CCDC122: variants seen among roughly 807,000 people sequenced by gnomAD.
The protein encoded by CCDC122 is coiled-coil domain-containing protein 122.
In CCDC122, 38 loss-of-function variants were observed where a neutral mutation model predicts 37.0. The observed-to-expected ratio is 1.03, with a 90% CI of 0.79 to 1.35. The LOEUF (loss-of-function observed/expected upper bound fraction) is 1.35. CCDC122 is among the 40% of genes most tolerant of loss of function. CCDC122 has a pLI of 0.00. For missense variants in CCDC122, 305 were observed against 310.0 expected (o/e 0.98, Z 0.12); for synonymous variants, 83 against 95.6 (o/e 0.87, Z 0.77).
chr13:43,849,784 C>T (rs1953663656), intron 6 of CCDC122, among the ~76,000 whole-genome samples: 1 of 152,186 alleles, frequency 6.6e-6, no homozygotes, highest in African/African-American at 2.4e-5. Context: ...CATTGCAAGG[C>T]TGTAATGAAG....
chr13:43,822,693 G>C (rs895583813), downstream of CCDC122, among the ~76,000 whole-genome samples: 1 of 152,170 alleles, frequency 6.6e-6, no homozygotes. Flanking sequence ...TTTTCACAGA[G>C]AGAGGAGCCT....
At chr13:43,841,590 T>C (rs188370854) in intron 6 of CCDC122, among the ~76,000 whole-genome samples, 333 of 152,356 alleles carry the variant, frequency 2.2e-3, no homozygotes, top group Non-Finnish European at 3.1e-3. Context: ...AAAAAATGAC[T>C]GTATGACTTT....
At chr13:43,854,032 A>T (rs748182370) in intron 6 of CCDC122, 5 of 152,184 alleles carry the variant, frequency 3.3e-5, no homozygotes, top group Non-Finnish European at 5.9e-5. Context: ...CACATCAAAT[A>T]GTTAGAAAGA....
chr13:43,879,550 C>G (rs1330891336), intron 1 of CCDC122, 81 bp downstream of exon 1: 1 of 152,252 alleles, frequency 6.6e-6, no homozygotes, highest in Non-Finnish European at 1.5e-5. Flanking sequence ...GCTCGCGGCG[C>G]TTGGCTCATC....
chr13:43,844,076 T>G (rs1953440687), intron 6 of CCDC122, among the ~76,000 whole-genome samples: 1 of 151,964 alleles, frequency 6.6e-6, no homozygotes. Flanking sequence ...TTCCTTCTAT[T>G]TACTTTTTGC....
intron 6 of CCDC122, among the ~76,000 whole-genome samples, chr13:43,851,767 G>A (rs1953740716): frequency 6.6e-6 from 1 of 152,154 alleles, no homozygotes; most frequent in Non-Finnish European, 1.5e-5. Flanking sequence ...CAGCACAGTG[G>A]ATTCCTAACC....
At chr13:43,848,933 G>T in intron 6 of CCDC122, 1 of 974,076 alleles carries the variant, frequency 1.0e-6, no homozygotes, top group Non-Finnish European at 1.2e-6. Context: ...TTTGGTATTG[G>T]AATTCACCTT....
intron 4 of CCDC122, among the ~76,000 whole-genome samples, chr13:43,865,219 G>A (rs1479245994): frequency 6.6e-6 from 1 of 152,196 alleles, no homozygotes; most frequent in Non-Finnish European, 1.5e-5. Flanking sequence ...TGCGGGGAAA[G>A]TATGGGAGTA....
chr13:43,819,438 C>T (rs1389694939), downstream of CCDC122, among the ~76,000 whole-genome samples: 1 of 152,002 alleles, frequency 6.6e-6, no homozygotes, highest in Non-Finnish European at 1.5e-5. Flanking sequence ...TACAAACAAC[C>T]CAAATATTCA....
chr13:43,862,718 T>C (rs1284561178), intron 4 of CCDC122, among the ~76,000 whole-genome samples: 2 of 152,080 alleles, frequency 1.3e-5, no homozygotes, highest in African/African-American at 4.8e-5. Context: ...CAACCAATGG[T>C]CAGGAAAGGG....
intron 6 of CCDC122, among the ~76,000 whole-genome samples, chr13:43,842,575 G>A (rs1467863479): frequency 1.3e-5 from 2 of 151,016 alleles, no homozygotes; most frequent in African/African-American, 4.9e-5. Context: ...AATACTTAGT[G>A]GGAATTTTAT....
chr13:43,829,294 T>C, intron 3 of CCDC122, among the ~76,000 whole-genome samples: 1 of 152,058 alleles, frequency 6.6e-6, no homozygotes, highest in Non-Finnish European at 1.5e-5. Flanking sequence ...AAGGGAGAAT[T>C]GCTCATTTTA....
chr13:43,833,855 T>C (rs1251419229), downstream of CCDC122, among the ~76,000 whole-genome samples: 1 of 152,110 alleles, frequency 6.6e-6, no homozygotes, highest in Non-Finnish European at 1.5e-5. Flanking sequence ...AATATTTACC[T>C]CAAAGAGACT....
chr13:43,828,553 GATACAC>G (rs767807092), intron 3 of CCDC122, among the ~76,000 whole-genome samples: 2 of 76,768 alleles, frequency 2.6e-5, no homozygotes, highest in Admixed American at 1.6e-4. Flanking sequence ...TTTATAGACA[GATACAC>G]ACACACACAC....
At chr13:43,834,706 A>G (rs1242861186), downstream of CCDC122, among the ~76,000 whole-genome samples, 2 of 152,236 alleles carry the variant, frequency 1.3e-5, no homozygotes, top group African/African-American at 4.8e-5. Context: ...GATACATGAA[A>G]AAATGCTCAT....
chr13:43,871,231 T>C (rs1446531522), intron 2 of CCDC122, among the ~76,000 whole-genome samples: 1 of 152,140 alleles, frequency 6.6e-6, no homozygotes, highest in Non-Finnish European at 1.5e-5. Flanking sequence ...CTACCATCTA[T>C]ATTTCTTCTT....
intron 4 of CCDC122, among the ~76,000 whole-genome samples, chr13:43,860,612 C>T (rs9533661): frequency 0.13 from 20,086 of 152,160 alleles, 1,657 homozygotes; most frequent in African/African-American, 0.23. Flanking sequence ...CTTTTTAAAG[C>T]CTAGTTTTCA....
At chr13:43,873,872 T>C (rs1954524794) in intron 2 of CCDC122, among the ~76,000 whole-genome samples, 1 of 152,184 alleles carries the variant, frequency 6.6e-6, no homozygotes, top group African/African-American at 2.4e-5. Context: ...CTTCTACTAA[T>C]GTAAGCTCCA....
At chr13:43,854,626 T>C (rs1953847946) in intron 6 of CCDC122, 1 of 152,178 alleles carries the variant, frequency 6.6e-6, no homozygotes, top group Non-Finnish European at 1.5e-5. Context: ...ACTCATTCTA[T>C]GAGGCCAGAA....
Sources: allele counts gnomAD v4.1 joint callset (sites outside exome capture counted in the v4.1 genomes callset), GRCh38; gene constraint gnomAD v4.1.1; transcripts MANE v1.5; gene names NCBI Gene and HGNC (gene_info 2026-07-23, HGNC 2026-07-21).